Variants in SP140L observed in about 807,000 individuals in gnomAD.
The protein encoded by SP140L is nuclear body protein SP140-like protein.
Under a neutral mutation model 84.3 loss-of-function variants are expected in SP140L, and 64 were observed. That is an observed-to-expected ratio of 0.76 (90% CI 0.62 to 0.94). The LOEUF is 0.94. Among genes scored for constraint, SP140L ranks in the 40% least tolerant of loss-of-function variants. The pLI, the probability that SP140L is intolerant of heterozygous loss-of-function variation, is 0.00. For missense variants in SP140L, 628 were observed against 692.5 expected, an observed-to-expected ratio of 0.91 and a Z score of 1.05; for synonymous variants, 242 against 236.9, an observed-to-expected ratio of 1.02 and a Z score of -0.20.
intron 11 of SP140L, among the ~76,000 whole-genome samples, chr2:230,390,650 C>G (rs2061762741): frequency 6.6e-6 from 1 of 152,170 alleles, no homozygotes; most frequent in African/African-American, 2.4e-5. Context: ...TCATCTCAGA[C>G]CTCTCTTAAC....
intron 10 of SP140L, among the ~76,000 whole-genome samples, chr2:230,389,516 A>C (rs1411428264): frequency 1.3e-5 from 2 of 152,050 alleles, no homozygotes; most frequent in Admixed American, 1.3e-4. Context: ...TCAGTGCCCA[A>C]ATGGGAGACT....
At position 230,402,886 on chromosome 2, in the gene SP140L, G is replaced by A. The variant is rs1374708318; in HGVS notation, c.1733G>A (p.Gly578Glu). ...KEVFAIQETN[G>E]NS ...GTGTTTGCTATTCAGGAAACAAATGGGAACAGTTGACTGGTTTAGTGGATG... is the reference window on the plus strand; with the variant it reads ...GTGTTTGCTATTCAGGAAACAAATGAGAACAGTTGACTGGTTTAGTGGATG... Residue 578 changes from glycine (G) to glutamate (E), a missense_variant, in exon 19 of 19, where the codon GGG becomes GAG. Transcript: ENST00000415673. 1 of 1,611,708 alleles carries A rather than the reference G, an allele frequency of 6.2e-7. No individual in the cohort carries two copies. The highest frequency in any genetic ancestry group is 8.5e-7 in the Non-Finnish European group (1 of 1,179,316).
intron 5 of SP140L, among the ~76,000 whole-genome samples, chr2:230,367,579 C>T (rs2060927635): frequency 6.6e-6 from 1 of 152,152 alleles, no homozygotes; most frequent in Non-Finnish European, 1.5e-5. Flanking sequence ...CAGATGTGAG[C>T]CACTGCACCC....
intron 7 of SP140L, among the ~76,000 whole-genome samples, chr2:230,373,398 G>A (rs1273979504): frequency 1.3e-5 from 2 of 152,222 alleles, no homozygotes; most frequent in African/African-American, 4.8e-5. Context: ...GGCTAATGGA[G>A]CAGGTGACTT....
chr2:230,393,051 C>T (rs2061891306), intron 12 of SP140L, among the ~76,000 whole-genome samples: 1 of 152,150 alleles, frequency 6.6e-6, no homozygotes, highest in South Asian at 2.1e-4. Context: ...GACTGACACC[C>T]AGTAGCATGC....
At position 230,337,311 on chromosome 2, in the gene SP140L, C is replaced by T. The variant is rs188501753; in HGVS notation, c.107+8480C>T. The stretch of plus-strand genomic sequence containing the variant: ...TGTCTTCTTTTGAGAAGTGTCTGTT[C>T]ATATCCTTCGCCCACTTTTTGATCG... On this transcript the variant is annotated intron_variant, in intron 2 of 18. Transcript: ENST00000415673. Among the ~76,000 whole-genome samples, 271 of 152,282 alleles carry T rather than the reference C, an allele frequency of 1.8e-3. 1 individual carries two copies. Among genetic ancestry groups the T allele is most frequent in the African/African-American group, 6.3e-3 (260 of 41,552 alleles).
rs182011454 is a variant in SP140L at position 230,351,561 on chromosome 2, G to A, written c.108-6244G>A. On this transcript the variant is annotated intron_variant, in intron 2 of 18. Transcript: ENST00000415673. ...ATTGCTTTTTAAGAACATTTAAATC[G>A]ATTAAGAGAAATCTTCCTTTAACTA... Among the ~76,000 whole-genome samples the A allele has an allele frequency of 3.4e-3, 522 of 152,134 alleles. 4 individuals are homozygous for A. The highest frequency in any genetic ancestry group is 0.014 in the Middle Eastern group (4 of 294).
chr2:230,379,321 T>A (rs1360769290), intron 7 of SP140L, among the ~76,000 whole-genome samples: 2 of 152,124 alleles, frequency 1.3e-5, no homozygotes, highest in Admixed American at 6.5e-5. Flanking sequence ...GATGGATTGA[T>A]ATAAAATTCT....
At chr2:230,360,770 A>T (rs2060689606) in intron 4 of SP140L, among the ~76,000 whole-genome samples, 1 of 151,876 alleles carries the variant, frequency 6.6e-6, no homozygotes, top group Non-Finnish European at 1.5e-5. Context: ...CCACCGCCCC[A>T]CCCAGCACAG....
intron 2 of SP140L, among the ~76,000 whole-genome samples, chr2:230,348,736 A>T (rs1023756716): frequency 6.6e-6 from 1 of 152,164 alleles, no homozygotes. Flanking sequence ...TCAGCTTATC[A>T]CTTTATTATT....
chr2:230,391,217 T>C (rs746198585), intron 11 of SP140L, among the ~76,000 whole-genome samples: 1 of 152,238 alleles, frequency 6.6e-6, no homozygotes, highest in Non-Finnish European at 1.5e-5. Flanking sequence ...ATATTTCAGC[T>C]CTTTGGAGTG....
chr2:230,399,287 A>G (rs1192720593), intron 14 of SP140L, among the ~76,000 whole-genome samples: 1 of 152,240 alleles, frequency 6.6e-6, no homozygotes, highest in Non-Finnish European at 1.5e-5. Flanking sequence ...CCCAAATGAA[A>G]TTAAATCTTG....
chr2:230,362,629 A>G (rs2060753082), intron 5 of SP140L, among the ~76,000 whole-genome samples: 1 of 152,184 alleles, frequency 6.6e-6, no homozygotes, highest in East Asian at 1.9e-4. Flanking sequence ...TTAAACGTCT[A>G]TTCTATGGCA....
At chr2:230,400,339 G>C in intron 15 of SP140L, 97 bp downstream of exon 15, 1 of 1,253,752 alleles carries the variant, frequency 8.0e-7, no homozygotes, top group Non-Finnish European at 1.1e-6. Context: ...TCTAGATGGG[G>C]AAGGAGCAGG....
At chr2:230,335,994 C>T (rs189741836) in intron 2 of SP140L, among the ~76,000 whole-genome samples, 4 of 152,120 alleles carry the variant, frequency 2.6e-5, no homozygotes, top group Non-Finnish European at 5.9e-5. Flanking sequence ...AAGCTGAACC[C>T]AATATGGCCA....
intron 3 of SP140L, among the ~76,000 whole-genome samples, chr2:230,358,643 T>G (rs1366890096): frequency 6.6e-6 from 1 of 152,230 alleles, no homozygotes; most frequent in Non-Finnish European, 1.5e-5. Flanking sequence ...CACTCATTGA[T>G]TGCCTGCTAC....
rs774678575 is a variant in SP140L at position 230,359,075 on chromosome 2, G to A, written c.382G>A (p.Glu128Lys). 6 of 1,613,154 alleles carry A rather than the reference G, an allele frequency of 3.7e-6. No homozygotes were observed. The highest frequency in any genetic ancestry group is 2.7e-5 in the African/African-American group (2 of 74,792). Reference protein sequence around the residue: ...NLSVLEALFSEVNMQEYPDLI... With the variant: ...NLSVLEALFSKVNMQEYPDLI... ...GTCAGTTTTGGAAGCACTGTTCAGC[G>A]AGGTCAACATGCAGGAATACCCCGA... The change falls in exon 4 of 19, where the codon GAG becomes AAG. Residue 128 changes from glutamate to lysine, a missense_variant. Physicochemically the swap from Glu to Lys is moderately conservative, Grantham distance 56 (BLOSUM62 1). Coordinates refer to ENST00000415673, the MANE Select transcript of SP140L (RefSeq NM_138402.6).
chr2:230,386,562 C>A (rs1258496272), intron 9 of SP140L, among the ~76,000 whole-genome samples: 1 of 152,126 alleles, frequency 6.6e-6, no homozygotes, highest in South Asian at 2.1e-4. Flanking sequence ...GGTATTACAG[C>A]CTGAGACACA....
chr2:230,366,735 T>TATTATTATTATC (rs1011527829), intron 5 of SP140L, among the ~76,000 whole-genome samples: 5 of 148,236 alleles, frequency 3.4e-5, no homozygotes, highest in African/African-American at 9.8e-5. Context: ...TTATTATTAT[T>TATTATTATTATC]ATTATTATTA....
Sources: gnomAD v4.1 joint callset for allele counts (sites outside exome capture counted in the v4.1 genomes callset) on GRCh38, gnomAD v4.1.1 for gene constraint, MANE v1.5 for transcripts, NCBI Gene and HGNC (gene_info 2026-07-23, HGNC 2026-07-21) for gene names.